Variants in PCNX2 observed in about 807,000 individuals in gnomAD.
The protein encoded by PCNX2 is pecanex 2.
Under a neutral mutation model 223.8 loss-of-function variants are expected in PCNX2, and 168 were observed. The ratio of observed to expected loss-of-function variants is 0.75; its 90% CI spans 0.66 to 0.85. The LOEUF (loss-of-function observed/expected upper bound fraction) is 0.85, where lower values mean the gene tolerates loss of function less well. PCNX2 is among the 40% of genes least tolerant of loss of function. PCNX2 has a pLI of 0.00. For missense variants in PCNX2, 2,507 were observed against 2,675.5 expected, an observed-to-expected ratio of 0.94 and a Z score of 1.39; for synonymous variants, 1,006 against 1,052.6, an observed-to-expected ratio of 0.96 and a Z score of 0.86.
At chr1:233,129,161 T>C (rs1411543509) in intron 21 of PCNX2, among the ~76,000 whole-genome samples, 1 of 152,218 alleles carries the variant, frequency 6.6e-6, no homozygotes, top group African/African-American at 2.4e-5. Flanking sequence ...TGCGTGGCGC[T>C]TGTGGGCCAG....
intron 7 of PCNX2, among the ~76,000 whole-genome samples, chr1:233,251,435 G>A (rs1369889327): frequency 1.3e-5 from 2 of 152,142 alleles, no homozygotes; most frequent in Non-Finnish European, 2.9e-5. Flanking sequence ...GTGAAAATCC[G>A]GTTTCTGCCC....
intron 26 of PCNX2, among the ~76,000 whole-genome samples, 160 bp from the exon 27 acceptor site, chr1:233,017,314 CTTTTTTT>C (rs57419971): frequency 2.4e-5 from 2 of 81,952 alleles, no homozygotes; most frequent in Non-Finnish European, 2.3e-5. Context: ...CTAAAATGTC[CTTTTTTT>C]TTTTTTTTTT....
At chr1:233,035,873 C>T (rs12071611) in intron 25 of PCNX2, among the ~76,000 whole-genome samples, 45 of 152,166 alleles carry the variant, frequency 3.0e-4, no homozygotes, top group African/African-American at 1.1e-3. Flanking sequence ...TCAGCCCCAG[C>T]GAGCTTCCTT....
At chr1:233,125,354 A>G (rs1007749689) in intron 21 of PCNX2, among the ~76,000 whole-genome samples, 1 of 152,140 alleles carries the variant, frequency 6.6e-6, no homozygotes, top group African/African-American at 2.4e-5. Context: ...CATCCTTGTT[A>G]GTAGCAATAG....
intron 1 of PCNX2, among the ~76,000 whole-genome samples, chr1:233,288,546 G>A (rs1661570220): frequency 6.6e-6 from 1 of 152,160 alleles, no homozygotes; most frequent in Non-Finnish European, 1.5e-5. Context: ...AAGGATAAAT[G>A]GGAGGAGCTG....
intron 26 of PCNX2, among the ~76,000 whole-genome samples, chr1:233,020,328 T>G (rs1013412151): frequency 1.3e-5 from 2 of 152,336 alleles, no homozygotes; most frequent in Admixed American, 6.5e-5. Context: ...TAGGCAGAAC[T>G]TCTGTCACGG....
At chr1:233,146,328 T>G (rs1395096478) in intron 19 of PCNX2, among the ~76,000 whole-genome samples, 1 of 152,184 alleles carries the variant, frequency 6.6e-6, no homozygotes, top group Non-Finnish European at 1.5e-5. Context: ...TTTTAGTGGT[T>G]GAGGGAATTC....
At chr1:233,263,525 G>A (rs528027568) in intron 1 of PCNX2, among the ~76,000 whole-genome samples, 39 of 148,114 alleles carry the variant, frequency 2.6e-4, no homozygotes, top group African/African-American at 8.5e-4. Flanking sequence ...GCAAGATCTC[G>A]GCTCACTGCA....
chr1:233,243,378 G>A (rs1658898966), intron 8 of PCNX2, among the ~76,000 whole-genome samples: 1 of 152,136 alleles, frequency 6.6e-6, no homozygotes, highest in African/African-American at 2.4e-5. Context: ...TATCTTCCAT[G>A]GCTGAATGGC....
chr1:233,292,006 T>C, intron 1 of PCNX2: 1 of 982,018 alleles, frequency 1.0e-6, no homozygotes, highest in Non-Finnish European at 1.2e-6. Context: ...TTCCAAACAT[T>C]TCTCACAAAT....
rs199827360 is a variant in PCNX2, at chr1:233,193,000, TTA to T, written c.3066+5937_3066+5938del. ...TGCATTTATTATTTAGACTTATATA[TTA>T]TATATAATTATATATTATTTTAATA... On this transcript the variant is annotated intron_variant, in intron 15 of 33. Coordinates refer to ENST00000258229, the MANE Select transcript of PCNX2 (RefSeq NM_014801.4). Among the ~76,000 whole-genome samples the T allele has an allele frequency of 9.4e-3, 1,387 of 147,496 alleles. 20 individuals carry two copies. The highest frequency in any genetic ancestry group is 0.032 in the African/African-American group (1,293 of 40,822).
At chr1:233,250,428 T>C (rs1047714412) in intron 8 of PCNX2, 1 of 535,456 alleles carries the variant, frequency 1.9e-6, no homozygotes, top group African/African-American at 2.1e-5. Context: ...ACAAATTTAA[T>C]AATGTGTTTG....
chr1:233,071,162 T>G (rs1328773377), intron 23 of PCNX2, among the ~76,000 whole-genome samples: 1 of 152,224 alleles, frequency 6.6e-6, no homozygotes, highest in African/African-American at 2.4e-5. Flanking sequence ...GCTCTTAATC[T>G]CTTTATTTTT....
At chr1:233,024,629 CA>C (rs1220280547) in intron 26 of PCNX2, among the ~76,000 whole-genome samples, 1 of 152,178 alleles carries the variant, frequency 6.6e-6, no homozygotes, top group Admixed American at 6.5e-5. Context: ...CAGATGTAGG[CA>C]CTGAGCAACT....
intron 25 of PCNX2, among the ~76,000 whole-genome samples, chr1:233,046,028 G>C (rs191294758): frequency 6.6e-6 from 1 of 152,340 alleles, no homozygotes; most frequent in East Asian, 1.9e-4. Context: ...TCACAACCAA[G>C]AACTCTTATT....
chr1:233,054,204 T>C, intron 25 of PCNX2, 64 bp downstream of exon 25: 1 of 1,457,274 alleles, frequency 6.9e-7, no homozygotes, highest in African/African-American at 1.4e-5. Context: ...CTTCCTAAAG[T>C]TTTGCTTGAT....
chr1:233,105,464 A>C (rs1384880275), intron 21 of PCNX2, among the ~76,000 whole-genome samples: 2 of 152,220 alleles, frequency 1.3e-5, no homozygotes, highest in Non-Finnish European at 2.9e-5. Context: ...GAATTTCAGG[A>C]TTATTCAGAC....
rs879389983 is a variant in PCNX2 at position 233,166,782 on chromosome 1, AT to A, written c.3274-5420del. On this transcript the variant is annotated intron_variant, in intron 17 of 33. Transcript: ENST00000258229. Reference sequence around the variant, plus strand: ...AAAATTTTATCCTGGAAAATAATATATTTTTTTTTGGTGGGAATGTAGATAG... The same window carrying A: ...AAAATTTTATCCTGGAAAATAATATATTTTTTTTGGTGGGAATGTAGATAG... Among the ~76,000 whole-genome samples, 277 of 151,400 alleles carry A rather than the reference AT, an allele frequency of 1.8e-3. 1 individual carries two copies. Among genetic ancestry groups the A allele is most frequent in the African/African-American group, 6.5e-3 (267 of 41,362 alleles).
Position 233,176,742 on chromosome 1 carries a change from G to A in PCNX2, c.3273+1060C>T, listed in dbSNP as rs1191943585. Among the ~76,000 whole-genome samples, 5 of 152,340 alleles carry A rather than the reference G, an allele frequency of 3.3e-5. No individual in the cohort carries two copies. In the East Asian group the frequency reaches 5.8e-4, roughly 18 times the overall value. On this transcript the variant is annotated intron_variant, in intron 17 of 33. Coordinates refer to ENST00000258229, the MANE Select transcript of PCNX2 (RefSeq NM_014801.4). ...CATCAAGATGCTCTAGGCTGGGGGC[G>A]GTGGCTCACGCCTGTAATCCCAGCA...
Sources: allele counts gnomAD v4.1 joint callset (sites outside exome capture counted in the v4.1 genomes callset), GRCh38; gene constraint gnomAD v4.1.1; transcripts MANE v1.5; gene names NCBI Gene and HGNC (gene_info 2026-07-23, HGNC 2026-07-21).